Variants in GPM6B observed in about 807,000 individuals in gnomAD.
The protein encoded by GPM6B is glycoprotein M6B.
Under a neutral mutation model 27.2 loss-of-function variants are expected in GPM6B, and 4 were observed. That is an observed-to-expected ratio of 0.15 (90% confidence interval 0.07 to 0.34). The LOEUF is 0.34. GPM6B is among the 10% of genes least tolerant of loss of function. The pLI is 1.00. For missense variants in GPM6B, 183 were observed against 261.9 expected, an observed-to-expected ratio of 0.70 and a Z score of 2.08; for synonymous variants, 124 against 103.1, an observed-to-expected ratio of 1.20 and a Z score of -1.23.
intron 1 of GPM6B, among the ~76,000 whole-genome samples, chrX:13,810,829 G>T (rs1305630898): frequency 1.8e-5 from 2 of 109,833 alleles, no homozygotes; most frequent in East Asian, 5.6e-4. Context: ...AAATCCCCTG[G>T]ACTTACACTT....
At chrX:13,917,042 T>A (rs1231831371) in intron 1 of GPM6B, among the ~76,000 whole-genome samples, 1 of 110,062 alleles carries the variant, frequency 9.1e-6, no homozygotes, top group Non-Finnish European at 1.9e-5. Context: ...CAAAACCCCA[T>A]CTCTACAAAA....
rs184731210 is a variant in GPM6B, at chrX:13,844,213, A to G, written c.-197-58405T>C. 3.1e-3 allele frequency among the ~76,000 whole-genome samples: 348 copies of G among 112,286 alleles called. 1 individual carries two copies. The highest frequency in any genetic ancestry group is 4.1e-3 in the Non-Finnish European group (218 of 53,256). ...ATGAAAATCAATTGACTATAAACATAAGGGTTATTTCTGGACTCTCAATGA... is the reference window on the plus strand; with the variant it reads ...ATGAAAATCAATTGACTATAAACATGAGGGTTATTTCTGGACTCTCAATGA... On this transcript the variant is annotated intron_variant, in intron 1 of 6. Transcript: ENST00000398361.
chrX:13,890,883 C>T (rs975799933), intron 1 of GPM6B, among the ~76,000 whole-genome samples: 2 of 111,135 alleles, frequency 1.8e-5, no homozygotes, highest in African/African-American at 3.3e-5. Flanking sequence ...AGAACAAATC[C>T]GATTCTTACA....
intron 4 of GPM6B, chrX:13,780,867 G>A (rs745950197): frequency 4.3e-5 from 11 of 255,116 alleles, no homozygotes; most frequent in African/African-American, 2.3e-4. Context: ...TGAAGCTGAT[G>A]GTGGAGACCT....
At chrX:13,871,115 A>AAAAC (rs150568277) in intron 1 of GPM6B, among the ~76,000 whole-genome samples, 35,192 of 86,538 alleles carry the variant, frequency 0.41, 6,641 homozygotes, top group Non-Finnish European at 0.55. Flanking sequence ...AAAACAAAAC[A>AAAAC]AAAAAAAAAG....
intron 1 of GPM6B, among the ~76,000 whole-genome samples, chrX:13,878,044 TCCC>T (rs1268774256): frequency 9.1e-6 from 1 of 109,331 alleles, no homozygotes; most frequent in Non-Finnish European, 1.9e-5. Context: ...TCAACAATTA[TCCC>T]CCCAAATAGT....
At chrX:13,911,796 A>G (rs2050380765) in intron 1 of GPM6B, among the ~76,000 whole-genome samples, 1 of 112,476 alleles carries the variant, frequency 8.9e-6, no homozygotes, top group Non-Finnish European at 1.9e-5. Context: ...AACTAACTGC[A>G]GCAGGCTCTG....
At chrX:13,791,599 A>G (rs185703952) in intron 2 of GPM6B, among the ~76,000 whole-genome samples, 3 of 111,687 alleles carry the variant, frequency 2.7e-5, no homozygotes, top group Non-Finnish European at 3.8e-5. Flanking sequence ...GACAGTTTAA[A>G]TATAAGCCAT....
At chrX:13,880,532 C>T (rs976857259) in intron 1 of GPM6B, among the ~76,000 whole-genome samples, 1 of 108,634 alleles carries the variant, frequency 9.2e-6, no homozygotes, top group East Asian at 2.9e-4. Context: ...AAAAATTAGC[C>T]GGGCGTGGTG....
At chrX:13,858,304 C>T (rs2049804632) in intron 1 of GPM6B, among the ~76,000 whole-genome samples, 1 of 111,921 alleles carries the variant, frequency 8.9e-6, no homozygotes, top group Admixed American at 9.5e-5. Flanking sequence ...GTTCGTTCCC[C>T]TCTCTGAAGT....
intron 1 of GPM6B, among the ~76,000 whole-genome samples, chrX:13,936,779 T>C (rs904997037): frequency 2.7e-5 from 3 of 112,220 alleles, no homozygotes; most frequent in African/African-American, 9.7e-5. Flanking sequence ...CTCGGGCCTT[T>C]GCTTCATGAG....
intron 1 of GPM6B, among the ~76,000 whole-genome samples, chrX:13,827,884 C>A (rs898391442): frequency 4.5e-5 from 5 of 111,754 alleles, no homozygotes; most frequent in African/African-American, 1.6e-4. Flanking sequence ...CCACTCCCTG[C>A]CTTCAACATG....
At chrX:13,801,275 G>A (rs998784521) in intron 2 of GPM6B, among the ~76,000 whole-genome samples, 1 of 111,658 alleles carries the variant, frequency 9.0e-6, no homozygotes, top group African/African-American at 3.3e-5. Context: ...CTCTGAAGAA[G>A]GGCTGAGCCT....
chrX:13,817,793 T>C (rs1032217569), upstream of GPM6B, among the ~76,000 whole-genome samples: 1 of 112,338 alleles, frequency 8.9e-6, no homozygotes, highest in Non-Finnish European at 1.9e-5. Context: ...CTATAGTTAA[T>C]ATATATGATA....
intron 1 of GPM6B, among the ~76,000 whole-genome samples, chrX:13,829,650 G>A (rs186813623): frequency 1.9e-4 from 21 of 110,979 alleles, no homozygotes; most frequent in African/African-American, 6.2e-4. Flanking sequence ...TTGTAGCATG[G>A]TCCTCCCTGA....
intron 1 of GPM6B, among the ~76,000 whole-genome samples, chrX:13,909,135 T>G (rs904219551): frequency 8.1e-5 from 8 of 98,206 alleles, no homozygotes; most frequent in Non-Finnish European, 1.6e-4. Context: ...TTTTTTTTTT[T>G]TTTTTTTGGA....
chrX:13,902,668 G>C (rs752831012), intron 1 of GPM6B, among the ~76,000 whole-genome samples: 1 of 111,117 alleles, frequency 9.0e-6, no homozygotes, highest in Non-Finnish European at 1.9e-5. Flanking sequence ...AGAACCACAG[G>C]CTTCTGTCTC....
chrX:13,783,675 C>T (rs751853375), intron 3 of GPM6B, 154 bp from the exon 4 acceptor site: 92 of 495,801 alleles, frequency 1.9e-4, no homozygotes, highest in African/African-American at 1.8e-3. Flanking sequence ...GCATCCTGGG[C>T]GGCATCCCTG....
At chrX:13,846,140 T>C (rs2049642819) in intron 1 of GPM6B, among the ~76,000 whole-genome samples, 2 of 111,145 alleles carry the variant, frequency 1.8e-5, no homozygotes, top group South Asian at 7.7e-4. Context: ...ACCTCTGAGT[T>C]TCCCACCTGA....
Sources: gnomAD v4.1 joint callset for allele counts (sites outside exome capture counted in the v4.1 genomes callset) on GRCh38, gnomAD v4.1.1 for gene constraint, MANE v1.5 for transcripts, NCBI Gene and HGNC (gene_info 2026-07-23, HGNC 2026-07-21) for gene names.